The following DRC7 variants were observed in gnomAD, a reference collection of about 807,000 sequenced individuals.
DRC7 encodes dynein regulatory complex subunit 7, also known as coiled-coil domain containing 135.
DRC7 carries 80 observed loss-of-function variants against 104.4 expected under a neutral mutation model. The ratio of observed to expected loss-of-function variants is 0.77; its 90% CI spans 0.64 to 0.92. The LOEUF is 0.92. Among genes scored for constraint, DRC7 ranks in the 40% least tolerant of loss-of-function variants. The probability of loss-of-function intolerance (pLI) is 0.00; values close to 1 mark genes in which losing one functional copy is unlikely to be tolerated. For missense variants in DRC7, 1,034 were observed against 1,141.1 expected, an observed-to-expected ratio of 0.91 and a Z score of 1.35; for synonymous variants, 405 against 447.3, an observed-to-expected ratio of 0.91 and a Z score of 1.19.
intron 13 of DRC7, chr16:57,725,779 A>C: frequency 2.5e-6 from 1 of 404,414 alleles, no homozygotes; most frequent in Non-Finnish European, 4.5e-6. Flanking sequence ...ATGTCTAGCA[A>C]TGGAGTAGGC....
At position 57,726,132 on chromosome 16, in the gene DRC7, T is replaced by A. The variant is rs1441497886; in HGVS notation, c.1823T>A (p.Val608Glu). ...GCGGAGGAGGACGTGGCAGAGCGCGTGTTTCTGGTCGCGGAGGAGCGCATC... is the reference window on the plus strand; with the variant it reads ...GCGGAGGAGGACGTGGCAGAGCGCGAGTTTCTGGTCGCGGAGGAGCGCATC... ...KPAEEDVAER[V>E]FLVAEERIQL... Residue 608 changes from valine (V) to glutamate (E), a missense_variant, in exon 14 of 19, where the codon GTG becomes GAG. Physicochemically the swap from Val to Glu is moderately radical, Grantham distance 121. Transcript: ENST00000360716. The A allele has an allele frequency of 6.2e-7, 1 of 1,613,116 alleles. No individual in the cohort carries two copies. The highest frequency in any genetic ancestry group is 2.2e-5 in the East Asian group (1 of 44,884).
Position 57,707,589 on chromosome 16 carries a change from A to G in DRC7, c.988A>G (p.Thr330Ala). The G allele has an allele frequency of 6.2e-7, 1 of 1,613,562 alleles. No individual in the cohort carries two copies. The highest frequency in any genetic ancestry group is 8.5e-7 in the Non-Finnish European group (1 of 1,180,012). Residue 330 changes from threonine to alanine, a missense_variant, in exon 8 of 19, where the codon ACC becomes GCC. Physicochemically the swap from Thr to Ala is moderately conservative, Grantham distance 58 (BLOSUM62 0). Coordinates refer to ENST00000360716, the MANE Select transcript of DRC7 (RefSeq NM_001289162.2). ...CCCATTCACAGGACATAGCTACAGCACCCAGGATGAGCACTTCCTGGGCAT... is the reference window on the plus strand; with the variant it reads ...CCCATTCACAGGACATAGCTACAGCGCCCAGGATGAGCACTTCCTGGGCAT... ...IDPFTGHSYS[T>A]QDEHFLGIES...
Position 57,731,080 on chromosome 16 carries a change from C to G in DRC7, c.2531+10C>G. ...AGCAGCGCCTCAATCGGTGAGCAGG[C>G]AGGGCAGGTGGAGAGAACCCACTGG... On this transcript the variant is annotated intron_variant, in intron 18 of 18. Coordinates refer to ENST00000360716, the MANE Select transcript of DRC7 (RefSeq NM_001289162.2). 1 of 1,613,726 alleles carries G rather than the reference C, an allele frequency of 6.2e-7. No individual in the cohort carries two copies. The highest frequency in any genetic ancestry group is 8.5e-7 in the Non-Finnish European group (1 of 1,179,922).
At chr16:57,707,871 C>G (rs2048750344) in intron 8 of DRC7, 193 bp downstream of exon 8, 3 of 611,996 alleles carry the variant, frequency 4.9e-6, no homozygotes, top group South Asian at 3.8e-5. Flanking sequence ...ATTATTGTCT[C>G]TCCTGATTTG....
Position 57,728,450 on chromosome 16 carries a change from C to T in DRC7, c.2257C>T (p.Pro753Ser), listed in dbSNP as rs1450179886. The T allele has an allele frequency of 7.4e-6, 12 of 1,612,182 alleles. No individual in the cohort carries two copies. The highest frequency in any genetic ancestry group is 1.0e-5 in the Non-Finnish European group (12 of 1,179,696). Reference protein sequence around the residue: ...QVETQLDYLAPFLAQLPPGEK... With the variant: ...QVETQLDYLASFLAQLPPGEK... Reference sequence around the variant, plus strand: ...GGAGACCCAGCTGGACTACCTGGCCCCATTCCTGGCCCAGCTCCCGCCAGG... The same window carrying T: ...GGAGACCCAGCTGGACTACCTGGCCTCATTCCTGGCCCAGCTCCCGCCAGG... The change falls in exon 17 of 19, where the codon CCA becomes TCA. Residue 753 changes from proline to serine, a missense_variant. Pro to Ser is a moderately conservative substitution (Grantham distance 74). Transcript: ENST00000360716.
chr16:57,714,519 G>A (rs547153525), intron 8 of DRC7, among the ~76,000 whole-genome samples: 6 of 152,170 alleles, frequency 3.9e-5, no homozygotes, highest in Admixed American at 6.5e-5. Flanking sequence ...CCAGCTACTA[G>A]GGAGGCTGAG....
intron 8 of DRC7, among the ~76,000 whole-genome samples, chr16:57,713,092 T>C (rs1443823334): frequency 1.3e-5 from 2 of 152,388 alleles, no homozygotes; most frequent in East Asian, 3.9e-4. Flanking sequence ...GTATGACTTC[T>C]ATTATTTTAC....
intron 7 of DRC7, among the ~76,000 whole-genome samples, chr16:57,705,406 C>T (rs527537381): frequency 6.7e-5 from 10 of 148,542 alleles, no homozygotes; most frequent in East Asian, 6.1e-4. Flanking sequence ...TCCTCCCATT[C>T]GCCAATCCAT....
intron 2 of DRC7, among the ~76,000 whole-genome samples, chr16:57,697,397 C>T (rs889883728): frequency 1.1e-4 from 16 of 151,418 alleles, no homozygotes; most frequent in Non-Finnish European, 4.4e-5. Flanking sequence ...TAGCCAGACC[C>T]TGTCTCTACC....
At chr16:57,697,829 G>C (rs1360188630) in intron 2 of DRC7, 84 bp from the exon 3 acceptor site, 1 of 1,463,540 alleles carries the variant, frequency 6.8e-7, no homozygotes, top group East Asian at 2.3e-5. Context: ...CATCTCCCAG[G>C]CCTCCCGGGG....
chr16:57,705,769 CCCAT>C (rs2048712234), intron 7 of DRC7, among the ~76,000 whole-genome samples: 1 of 117,876 alleles, frequency 8.5e-6, no homozygotes, highest in African/African-American at 3.4e-5. Context: ...CATCCATCCT[CCCAT>C]CCATCCATCC....
intron 5 of DRC7, 31 bp from the exon 6 acceptor site, chr16:57,701,905 C>G (rs1362548604): frequency 6.3e-7 from 1 of 1,597,664 alleles, no homozygotes; most frequent in South Asian, 1.1e-5. Context: ...CAGCGGGGCC[C>G]CAGCTGTGCT....
At chr16:57,705,757 C>CCCATCCATCCTCCCAT (rs201017067) in intron 7 of DRC7, among the ~76,000 whole-genome samples, 12,789 of 55,772 alleles carry the variant, frequency 0.23, 2,872 homozygotes, top group African/African-American at 0.4. Context: ...GATCTCTCCT[C>CCCATCCATCCTCCCAT]CCATCCATCC....
At chr16:57,699,499 C>T (rs2048634785) in intron 4 of DRC7, among the ~76,000 whole-genome samples, 1 of 152,150 alleles carries the variant, frequency 6.6e-6, no homozygotes, top group Admixed American at 6.5e-5. Flanking sequence ...AACTGAGGCC[C>T]AGAAAGGCTC....
intron 9 of DRC7, among the ~76,000 whole-genome samples, chr16:57,720,431 G>A (rs2048890727): frequency 6.6e-6 from 1 of 152,250 alleles, no homozygotes. Flanking sequence ...AGTAAATCCA[G>A]GCATAGGTGC....
At chr16:57,729,088 A>AGGTGGATGGATGAGTG (rs1245064629) in intron 17 of DRC7, among the ~76,000 whole-genome samples, 1 of 100,086 alleles carries the variant, frequency 1.0e-5, no homozygotes, top group Admixed American at 9.3e-5. Flanking sequence ...ATGAGTGGGT[A>AGGTGGATGGATGAGTG]GGTGGATGGA....
chr16:57,707,929 C>T lies in DRC7; in HGVS notation c.1077+251C>T, dbSNP rs77786908. 1.8e-3 allele frequency: 979 copies of T among 545,326 alleles called. 10 individuals are homozygous for T. The highest frequency in any genetic ancestry group is 0.017 in the African/African-American group (893 of 52,906). 33.8% of individuals were successfully genotyped at this position (545,326 alleles called of 1,614,324 possible). ...TGTTTGAATGCATTTTTTAAAAACTCTATATTGAAGTGTAACCTACATGCA... is the reference window on the plus strand; with the variant it reads ...TGTTTGAATGCATTTTTTAAAAACTTTATATTGAAGTGTAACCTACATGCA... On this transcript the variant is annotated intron_variant, in intron 8 of 18. Coordinates refer to ENST00000360716, the MANE Select transcript of DRC7 (RefSeq NM_001289162.2).
At position 57,704,898 on chromosome 16, in the gene DRC7, T is replaced by A. The variant is rs58373934; in HGVS notation, c.722T>A (p.Val241Glu). ...CAGACCATCAAGAAGGAGGAAAAGG[T>A]GCTGCCTAAGAAGTATACCATCAAA... ...PKETIKKEEK[V>E]LPKKYTIKPP... Residue 241 changes from valine to glutamate, a missense_variant, in exon 7 of 19, where the codon GTG becomes GAG. Val to Glu is a moderately radical substitution (Grantham distance 121). Coordinates refer to ENST00000360716, the MANE Select transcript of DRC7 (RefSeq NM_001289162.2). 0.13 allele frequency: 208,307 copies of A among 1,613,258 alleles called. 14,474 individuals carry two copies. The highest frequency in any genetic ancestry group is 0.14 in the Non-Finnish European group (170,800 of 1,179,720).
intron 14 of DRC7, 76 bp from the exon 15 acceptor site, chr16:57,726,756 G>T (rs2048971520): frequency 2.4e-6 from 2 of 840,614 alleles, no homozygotes; most frequent in Non-Finnish European, 3.9e-6. Context: ...AGTGGCAGGG[G>T]TAGATTTGAA....
Sources: gnomAD v4.1 joint callset for allele counts (sites outside exome capture counted in the v4.1 genomes callset) on GRCh38, gnomAD v4.1.1 for gene constraint, MANE v1.5 for transcripts, NCBI Gene and HGNC (gene_info 2026-07-23, HGNC 2026-07-21) for gene names.